The following NIPAL2 variants were observed in gnomAD, a reference collection of about 807,000 sequenced individuals.
NIPAL2 encodes the protein NIPA-like protein 2.
NIPAL2 carries 43 observed loss-of-function variants against 48.9 expected under a neutral mutation model. The ratio of observed to expected loss-of-function variants is 0.88; its 90% CI spans 0.69 to 1.13. NIPAL2 has a LOEUF of 1.13. NIPAL2 is among the 50% of genes most tolerant of loss of function. NIPAL2 has a pLI of 0.00. For missense variants in NIPAL2, 446 were observed against 461.4 expected, an observed-to-expected ratio of 0.97 and a Z score of 0.31; for synonymous variants, 167 against 174.6, an observed-to-expected ratio of 0.96 and a Z score of 0.34.
rs1489880006 is a variant in NIPAL2 at position 98,236,172 on chromosome 8, C to A, written c.419G>T (p.Arg140Ile). 6.2e-7 allele frequency: 1 copy of A among 1,601,472 alleles called. No individual in the cohort carries two copies. The part of the protein sequence containing the change: ...ISVTFLKDNL[R>I]ASDLLGTTLA... The stretch of plus-strand genomic sequence containing the variant: ...TTACTTACCGAGTAAGTCTGAGGCT[C>A]TCAAATTGTCTTTCAGAAATGTAAC... The change falls in exon 4 of 11, where the codon AGA (arginine) becomes ATA (isoleucine). Residue 140 changes from arginine to isoleucine, a missense_variant. Transcript: ENST00000430223.
intron 3 of NIPAL2, among the ~76,000 whole-genome samples, chr8:98,244,549 G>A (rs1343018581): frequency 8.5e-6 from 1 of 117,770 alleles, no homozygotes; most frequent in Non-Finnish European, 1.9e-5. Context: ...ATGATGAGAG[G>A]GTGGGCTGTG....
intron 4 of NIPAL2, among the ~76,000 whole-genome samples, chr8:98,222,945 C>T (rs1376696753): frequency 1.3e-5 from 2 of 152,164 alleles, no homozygotes; most frequent in Non-Finnish European, 2.9e-5. Flanking sequence ...TGACTGTTTC[C>T]TCATGGGTCA....
intron 3 of NIPAL2, among the ~76,000 whole-genome samples, chr8:98,238,583 G>T (rs115593335): frequency 6.6e-6 from 1 of 150,782 alleles, no homozygotes; most frequent in Non-Finnish European, 1.5e-5. Flanking sequence ...CCTCATGCAG[G>T]ATAAGATGAG....
At chr8:98,280,486 T>C (rs1901366) in intron 1 of NIPAL2, among the ~76,000 whole-genome samples, 117,173 of 151,512 alleles carry the variant, frequency 0.77, 46,480 homozygotes, top group Non-Finnish European at 0.86. Context: ...CAGAAATGAC[T>C]GTAATGGCCT....
At position 98,212,400 on chromosome 8, in the gene NIPAL2, T is replaced by C. The variant is rs767659204; in HGVS notation, c.655+5A>G. ...AAAGAATAAGAAAACAAAATATGCC[T>C]TTACCTAGAATTGCCACCAGGGTTA... On this transcript the variant is annotated splice_donor_5th_base_variant and intron_variant, in intron 6 of 10. Coordinates refer to ENST00000430223, the MANE Select transcript of NIPAL2 (RefSeq NM_001321635.2). 5 of 1,534,270 alleles carry C rather than the reference T, an allele frequency of 3.3e-6. No individual in the cohort carries two copies. The African/African-American group carries it at 6.8e-5, about 21-fold the overall frequency.
At chr8:98,275,565 C>A (rs760046627) in intron 1 of NIPAL2, among the ~76,000 whole-genome samples, 1 of 152,108 alleles carries the variant, frequency 6.6e-6, no homozygotes, top group Non-Finnish European at 1.5e-5. Context: ...TATGAACATT[C>A]GTGTACAAAT....
intron 1 of NIPAL2, among the ~76,000 whole-genome samples, chr8:98,258,011 T>G (rs1405064590): frequency 2.0e-5 from 3 of 152,238 alleles, no homozygotes; most frequent in Non-Finnish European, 4.4e-5. Flanking sequence ...CTCCTGGAGC[T>G]GTGCCATAGG....
chr8:98,280,632 G>A (rs961059109), intron 1 of NIPAL2, among the ~76,000 whole-genome samples: 2 of 151,060 alleles, frequency 1.3e-5, no homozygotes, highest in African/African-American at 4.9e-5. Context: ...CTCCAGGACA[G>A]TTAGGACAGG....
Position 98,294,209 on chromosome 8 carries a change from A to C in NIPAL2, c.-72T>G. 1 of 1,206,216 alleles carries C rather than the reference A, an allele frequency of 8.3e-7. No homozygotes were observed. Among genetic ancestry groups the C allele is most frequent in the Non-Finnish European group, 1.0e-6 (1 of 971,422 alleles). The allele number at this position is 1,206,216 out of a possible 1,614,324, so 74.7% of individuals were successfully genotyped here. ...CTCCCCGCCCTGTTGCACCGCGAGG[A>C]GGCCGCGCCGCAGCCACTTCCTGCT... On this transcript the variant is annotated 5_prime_UTR_variant, in exon 1 of 11. Coordinates refer to ENST00000430223, the MANE Select transcript of NIPAL2 (RefSeq NM_001321635.2).
chr8:98,282,543 C>T (rs1039385167), intron 1 of NIPAL2, among the ~76,000 whole-genome samples: 5 of 152,182 alleles, frequency 3.3e-5, no homozygotes, highest in East Asian at 1.9e-4. Flanking sequence ...CGTGGTGGCA[C>T]GCACCTGTAG....
intron 3 of NIPAL2, among the ~76,000 whole-genome samples, chr8:98,243,678 G>C (rs1459102426): frequency 6.6e-6 from 1 of 152,154 alleles, no homozygotes; most frequent in Non-Finnish European, 1.5e-5. Flanking sequence ...GTAAATACTT[G>C]GTTTGAGGTT....
Position 98,192,859 on chromosome 8 carries a change from AC to A in NIPAL2, c.*118del. The A allele has an allele frequency of 3.0e-6, 2 of 672,988 alleles. No individual in the cohort carries two copies. Among genetic ancestry groups the A allele is most frequent in the South Asian group, 3.4e-5 (2 of 59,602 alleles). The allele number at this position is 672,988 out of a possible 1,614,324, so 41.7% of individuals were successfully genotyped here. On this transcript the variant is annotated 3_prime_UTR_variant, in exon 11 of 11. Coordinates refer to ENST00000430223, the MANE Select transcript of NIPAL2 (RefSeq NM_001321635.2). Reference sequence around the variant, plus strand: ...CATAGACGCTGAGGTGGGGGAAAGGACTGAAATGAATGCTAGCACATGTTAG... The same window carrying A: ...CATAGACGCTGAGGTGGGGGAAAGGATGAAATGAATGCTAGCACATGTTAG...
chr8:98,207,450 TTGTAATGCAG>T (rs561024125), intron 6 of NIPAL2, among the ~76,000 whole-genome samples: 28 of 152,252 alleles, frequency 1.8e-4, no homozygotes, highest in Non-Finnish European at 3.5e-4. Flanking sequence ...AAATACATAA[TTGTAATGCAG>T]TGTTCTTCTA....
Position 98,228,367 on chromosome 8 carries a change from C to T in NIPAL2, c.437-5767G>A, listed in dbSNP as rs942679480. On this transcript the variant is annotated intron_variant, in intron 4 of 10. Coordinates refer to ENST00000430223, the MANE Select transcript of NIPAL2 (RefSeq NM_001321635.2). ...CCAAAAGGAAGCAGGGTATCACCAA[C>T]ATGTTCCTCACCCGCAGAAATGTTG... is the stretch of plus-strand genomic sequence containing the variant. 2.6e-5 allele frequency among the ~76,000 whole-genome samples: 4 copies of T among 152,328 alleles called. No individual in the cohort carries two copies. The South Asian group carries it at 8.3e-4, about 32-fold the overall frequency.
At chr8:98,208,736 A>G (rs1370880604) in intron 6 of NIPAL2, among the ~76,000 whole-genome samples, 2 of 152,198 alleles carry the variant, frequency 1.3e-5, no homozygotes, top group Non-Finnish European at 2.9e-5. Context: ...GGTGTGAGCC[A>G]TCACACCAGG....
rs772612480 is a variant in NIPAL2, at chr8:98,294,145, C to A, written c.-8G>T. The A allele has an allele frequency of 1.4e-6, 2 of 1,384,886 alleles. No individual in the cohort carries two copies. The highest frequency in any genetic ancestry group is 1.7e-5 in the South Asian group (1 of 59,960). 85.8% of individuals were successfully genotyped at this position (1,384,886 alleles called of 1,614,324 possible). A position where few individuals can be genotyped will look rare whatever the true frequency, so the allele number is the denominator to read the frequency against. The stretch of plus-strand genomic sequence containing the variant: ...GGGCGCCACCGCTGCCATGAGGTCT[C>A]GCTCCCGGCGCTCGGGCTCCGGCTC... On this transcript the variant is annotated 5_prime_UTR_variant, in exon 1 of 11. Coordinates refer to ENST00000430223, the MANE Select transcript of NIPAL2 (RefSeq NM_001321635.2).
chr8:98,203,193 G>A lies in NIPAL2; in HGVS notation c.795C>T (p.Phe265=), dbSNP rs564229468. The change falls in exon 8 of 11, where the codon TTC becomes TTT. Residue 265 remains phenylalanine, a synonymous_variant. Transcript: ENST00000430223. ...MIASCVFQVK[F]LNQATKLYNT... is the part of the protein sequence containing the mutation. ...TGTAGAGTTTCGTGGCTTGATTCAG[G>A]AACCTAGGGCAGAAGGCACTTACTG... 1 of 1,613,562 alleles carries A rather than the reference G, an allele frequency of 6.2e-7. No homozygotes were observed. Among genetic ancestry groups the A allele is most frequent in the East Asian group, 2.2e-5 (1 of 44,882 alleles).
intron 8 of NIPAL2, among the ~76,000 whole-genome samples, chr8:98,197,812 A>C (rs1810616609): frequency 6.6e-6 from 1 of 152,174 alleles, no homozygotes; most frequent in African/African-American, 2.4e-5. Flanking sequence ...TCCACTTCTA[A>C]TTCTAGTTCT....
chr8:98,216,348 C>T (rs1254714808), intron 5 of NIPAL2, among the ~76,000 whole-genome samples: 2 of 152,128 alleles, frequency 1.3e-5, no homozygotes, highest in Non-Finnish European at 2.9e-5. Context: ...AACAGTGGCC[C>T]ATGTATACGG....
Sources: allele counts gnomAD v4.1 joint callset (sites outside exome capture counted in the v4.1 genomes callset), GRCh38; gene constraint gnomAD v4.1.1; transcripts MANE v1.5; gene names NCBI Gene and HGNC (gene_info 2026-07-23, HGNC 2026-07-21).